Variants in BAZ2B observed in about 807,000 individuals in gnomAD.
The protein encoded by BAZ2B is bromodomain adjacent to zinc finger domain 2B.
BAZ2B carries 91 observed loss-of-function variants against 246.0 expected under a neutral mutation model. The observed-to-expected ratio is 0.37, with a 90% CI of 0.31 to 0.44. The LOEUF (loss-of-function observed/expected upper bound fraction) is 0.44, where lower values mean the gene tolerates loss of function less well. Ranked by LOEUF, BAZ2B falls within the 20% of genes least tolerant of loss-of-function variation. The pLI is 1.00. For missense variants in BAZ2B, 2,332 were observed against 2,533.7 expected, an observed-to-expected ratio of 0.92 and a Z score of 1.71; for synonymous variants, 855 against 860.0, an observed-to-expected ratio of 0.99 and a Z score of 0.10.
intron 18 of BAZ2B, 133 bp from the exon 19 acceptor site, chr2:159,397,522 T>C: frequency 2.1e-6 from 1 of 477,224 alleles, no homozygotes; most frequent in Non-Finnish European, 3.7e-6. Flanking sequence ...CAATATTCAA[T>C]TATTTTTTAT....
chr2:159,350,703 T>C (rs1282644085), intron 27 of BAZ2B, among the ~76,000 whole-genome samples: 2 of 152,196 alleles, frequency 1.3e-5, no homozygotes, highest in Non-Finnish European at 2.9e-5. Context: ...CCTGAGTAAA[T>C]GAGATTACAA....
the BAZ2B span, chr2:159,712,185 G>C: frequency 6.6e-6 from 1 of 152,100 alleles, no homozygotes; most frequent in Admixed American, 6.5e-5. Context: ...CGGCGCCCGG[G>C]AGGGAAGGGG....
chr2:159,438,557 G>A lies in BAZ2B; in HGVS notation c.1039C>T (p.Pro347Ser). 2 of 1,614,204 alleles carry A rather than the reference G, an allele frequency of 1.2e-6. No individual in the cohort carries two copies. Among genetic ancestry groups the A allele is most frequent in the South Asian group, 2.2e-5 (2 of 91,088 alleles). ...THSFQSQQKQ[P>S]QVLSQQLPFI... The stretch of plus-strand genomic sequence containing the variant: ...GGAAGCTGCTGTGACAAAACCTGAG[G>A]CTGCTTCTGCTGGGATTGGAATGAG... Residue 347 changes from proline to serine, a missense_variant, in exon 8 of 37, where the codon CCT becomes TCT. By Grantham distance (74) the Pro-to-Ser change is moderately conservative. Around this residue, in one of 9 missense-constraint regions of BAZ2B, gnomAD observed 161 missense variants for 225.8 expected, o/e 0.71. Transcript: ENST00000392783.
At chr2:159,699,461 C>T in the BAZ2B span, among the ~76,000 whole-genome samples, 1 of 151,986 alleles carries the variant, frequency 6.6e-6, no homozygotes, top group Admixed American at 6.6e-5. Flanking sequence ...CACTTGAGCC[C>T]AGGAGTTTGA....
intron 19 of BAZ2B, chr2:159,396,301 G>C (rs886090754): frequency 6.6e-6 from 1 of 152,240 alleles, no homozygotes; most frequent in African/African-American, 2.4e-5. Context: ...CATGATTTTA[G>C]AGTAGGTTAT....
chr2:159,411,472 C>T (rs1489147400), intron 14 of BAZ2B, among the ~76,000 whole-genome samples: 1 of 152,016 alleles, frequency 6.6e-6, no homozygotes, highest in Admixed American at 6.5e-5. Flanking sequence ...AATAAAAAAC[C>T]CATGAGAAGT....
At chr2:159,352,610 A>C (rs6718219) in intron 27 of BAZ2B, among the ~76,000 whole-genome samples, 8,325 of 151,898 alleles carry the variant, frequency 0.055, 569 homozygotes, top group African/African-American at 0.16. Context: ...CTCAGCCTCC[A>C]AATTAGCTGG....
chr2:159,483,763 A>T (rs1416325915), intron 2 of BAZ2B, among the ~76,000 whole-genome samples: 1 of 152,206 alleles, frequency 6.6e-6, no homozygotes, highest in African/African-American at 2.4e-5. Flanking sequence ...TCTGGGCAAC[A>T]GAGTGAGACT....
At chr2:159,451,757 AT>A (rs2075128080) in intron 4 of BAZ2B, among the ~76,000 whole-genome samples, 1 of 152,110 alleles carries the variant, frequency 6.6e-6, no homozygotes, top group African/African-American at 2.4e-5. Context: ...GAGCTATCAA[AT>A]TTTTTTCTAT....
the BAZ2B span, among the ~76,000 whole-genome samples, chr2:159,672,429 A>C: frequency 6.6e-6 from 1 of 152,176 alleles, no homozygotes; most frequent in Non-Finnish European, 1.5e-5. Flanking sequence ...TTTCCCATAA[A>C]TCTCCCAAGT....
upstream of BAZ2B, among the ~76,000 whole-genome samples, chr2:159,617,477 T>C (rs1406970593): frequency 1.3e-5 from 2 of 152,124 alleles, no homozygotes; most frequent in African/African-American, 2.4e-5. Context: ...TACGTATTTT[T>C]TTTTTTAGAA....
chr2:159,587,101 C>T lies in BAZ2B; in HGVS notation c.-46+29141G>A, dbSNP rs111710274. Among the ~76,000 whole-genome samples the T allele has an allele frequency of 5.3e-3, 797 of 149,244 alleles. 7 individuals carry two copies. The highest frequency in any genetic ancestry group is 8.3e-3 in the Non-Finnish European group (560 of 67,512). On this transcript the variant is annotated intron_variant, in intron 1 of 36. Transcript: ENST00000392783. ...TGCAACTTTTTTTTTTTTTTTGAGACGGAGTATGGCTCTGTAGCCCAGGCT... is the reference window on the plus strand; with the variant it reads ...TGCAACTTTTTTTTTTTTTTTGAGATGGAGTATGGCTCTGTAGCCCAGGCT...
At chr2:159,534,607 T>C (rs2085730397) in intron 2 of BAZ2B, among the ~76,000 whole-genome samples, 1 of 152,112 alleles carries the variant, frequency 6.6e-6, no homozygotes, top group Non-Finnish European at 1.5e-5. Flanking sequence ...CTGAAATAAT[T>C]TGTACTCCAA....
At chr2:159,427,582 G>A (rs2150127092) in intron 13 of BAZ2B, among the ~76,000 whole-genome samples, 1 of 152,158 alleles carries the variant, frequency 6.6e-6, no homozygotes, top group East Asian at 1.9e-4. Flanking sequence ...TAATAATAGG[G>A]TCTTCATATT....
At chr2:159,543,187 A>C (rs1234096964) in intron 2 of BAZ2B, among the ~76,000 whole-genome samples, 1 of 152,196 alleles carries the variant, frequency 6.6e-6, no homozygotes, top group East Asian at 1.9e-4. Context: ...AGGTTCTAAA[A>C]ATTTTAGTTC....
At position 159,428,360 on chromosome 2, in the gene BAZ2B, T is replaced by C. The variant is rs1269736101; in HGVS notation, c.2315A>G (p.Tyr772Cys). The change falls in exon 12 of 37, where the codon TAT becomes TGT. Residue 772 changes from tyrosine to cysteine, a missense_variant. Physicochemically the swap from Tyr to Cys is radical, Grantham distance 194. Coordinates refer to ENST00000392783, the MANE Select transcript of BAZ2B (RefSeq NM_013450.4). ...AAGTTTCTTTCCACATGGAGCATAATATGCTACTTCTCCTTGAAGGCGCCC... is the reference window on the plus strand; with the variant it reads ...AAGTTTCTTTCCACATGGAGCATAACATGCTACTTCTCCTTGAAGGCGCCC... ...FGGRLQGEVA[Y>C]YAPCGKKLRQ... 6.2e-7 allele frequency: 1 copy of C among 1,613,428 alleles called. No individual in the cohort carries two copies. The highest frequency in any genetic ancestry group is 8.5e-7 in the Non-Finnish European group (1 of 1,179,654).
At chr2:159,364,461 T>C (rs2060018108) in intron 27 of BAZ2B, among the ~76,000 whole-genome samples, 3 of 152,154 alleles carry the variant, frequency 2.0e-5, no homozygotes, top group Admixed American at 2.0e-4. Context: ...GATGCGATCG[T>C]GGCTCACTGC....
rs1439468540 is a variant in BAZ2B, at chr2:159,319,225, G to T, written c.*1040C>A. ...GAGGCAAGGCAAATGGGAGGGAAAT[G>T]TTTCTATGAAAAAATACTGTGTGCG... On this transcript the variant is annotated 3_prime_UTR_variant, in exon 37 of 37. Transcript: ENST00000392783. This position sits in a 1 kb window ranked among gnomAD's most constrained non-coding sequence, Gnocchi z 4.0. 6.6e-6 allele frequency: 1 copy of T among 152,564 alleles called. No homozygotes were observed. Among genetic ancestry groups the T allele is most frequent in the Non-Finnish European group, 1.5e-5 (1 of 68,010 alleles). The allele number at this position is 152,564 out of a possible 1,614,324, so 9.5% of individuals were successfully genotyped here.
intron 13 of BAZ2B, among the ~76,000 whole-genome samples, chr2:159,414,562 A>G (rs1190227442): frequency 2.0e-5 from 3 of 152,112 alleles, no homozygotes; most frequent in African/African-American, 7.2e-5. Context: ...CACGCCTGTA[A>G]TCTCAGCATG....
Sources: gnomAD v4.1 joint callset for allele counts (sites outside exome capture counted in the v4.1 genomes callset) on GRCh38, gnomAD v4.1.1 for gene constraint, gnomAD v4.1.1 regional missense constraint, Gnocchi (gnomAD v3.1) non-coding constraint, MANE v1.5 for transcripts, NCBI Gene and HGNC (gene_info 2026-07-23, HGNC 2026-07-21) for gene names.